The following DAZAP2 variants were observed in gnomAD, a reference collection of about 807,000 sequenced individuals.
The protein encoded by DAZAP2 is DAZ-associated protein 2.
Under a neutral mutation model 16.2 loss-of-function variants are expected in DAZAP2, and 3 were observed. The ratio of observed to expected loss-of-function variants is 0.19; its 90% CI spans 0.08 to 0.48. The LOEUF is 0.48. DAZAP2 is among the 20% of genes least tolerant of loss of function. The pLI is 0.98. For missense variants in DAZAP2, 172 were observed against 215.9 expected, an observed-to-expected ratio of 0.80 and a Z score of 1.27; for synonymous variants, 69 against 77.6, an observed-to-expected ratio of 0.89 and a Z score of 0.58.
downstream of DAZAP2, chr12:51,246,250 T>G (rs547467009): frequency 1.5e-6 from 2 of 1,347,142 alleles, no homozygotes. Flanking sequence ...TCCACTTCCA[T>G]CCAAACCCAT....
downstream of DAZAP2, among the ~76,000 whole-genome samples, chr12:51,244,182 C>T (rs1041720320): frequency 1.3e-5 from 2 of 152,156 alleles, no homozygotes; most frequent in Non-Finnish European, 2.9e-5. Flanking sequence ...TCTAGGTTGC[C>T]AAGATAGATT....
Position 51,238,898 on chromosome 12 carries a change from C to T in DAZAP2, c.-10C>T, listed in dbSNP as rs1944602185. The T allele has an allele frequency of 1.9e-6, 3 of 1,613,350 alleles. No homozygotes were observed. Among genetic ancestry groups the T allele is most frequent in the African/African-American group, 2.7e-5 (2 of 74,898 alleles). ...CCGCGACGCCGAGACAAACCGGACC[C>T]GCAACCACCATGAACAGCAAAGGCA... On this transcript the variant is annotated 5_prime_UTR_variant, in exon 1 of 4. Transcript: ENST00000412716.
At chr12:51,240,782 A>T in intron 2 of DAZAP2, 89 bp from the exon 3 acceptor site, 1 of 1,521,514 alleles carries the variant, frequency 6.6e-7, no homozygotes, top group East Asian at 2.3e-5. Context: ...TATAACCTGC[A>T]TAAGGAGAAT....
intron 2 of DAZAP2, 125 bp downstream of exon 2, chr12:51,240,586 T>A (rs1367132778): frequency 1.9e-5 from 20 of 1,032,712 alleles, no homozygotes; most frequent in Middle Eastern, 2.1e-4. Flanking sequence ...TCTAAAACAC[T>A]ATATAATTTG....
In DAZAP2 at chr12:51,242,909, T is replaced by C; in HGVS notation, c.*451T>C. On this transcript the variant is annotated 3_prime_UTR_variant, in exon 4 of 4. Transcript: ENST00000412716. ...TTATAAATGGAACGCATTAGTTGTCTGCCTTTTCCTTTCCATCCCTTGCCC... is the reference window on the plus strand; with the variant it reads ...TTATAAATGGAACGCATTAGTTGTCCGCCTTTTCCTTTCCATCCCTTGCCC... 1 of 1,175,760 alleles carries C rather than the reference T, an allele frequency of 8.5e-7. No individual in the cohort carries two copies. Among genetic ancestry groups the C allele is most frequent in the Non-Finnish European group, 1.1e-6 (1 of 950,614 alleles). 72.8% of individuals were successfully genotyped at this position (1,175,760 alleles called of 1,614,324 possible).
At chr12:51,246,503 G>C (rs767290241), downstream of DAZAP2, 15 of 441,714 alleles carry the variant, frequency 3.4e-5, no homozygotes, top group Non-Finnish European at 5.2e-5. Context: ...CCCTACCCAC[G>C]TACTCAAGTG....
chr12:51,245,973 TG>T, downstream of DAZAP2: 1 of 1,613,934 alleles, frequency 6.2e-7, no homozygotes, highest in South Asian at 1.1e-5. Context: ...TCGCTGCCCT[TG>T]GCCAAGTCAC....
At chr12:51,246,486 T>G, downstream of DAZAP2, 1 of 442,084 alleles carries the variant, frequency 2.3e-6, no homozygotes, top group Non-Finnish European at 4.0e-6. Context: ...ACCACATATA[T>G]CCTCGTCCCT....
At chr12:51,239,328 C>T in intron 1 of DAZAP2, 1 of 210,112 alleles carries the variant, frequency 4.8e-6, no homozygotes, top group South Asian at 6.6e-5. Context: ...TGGGCCGGGG[C>T]CTGTGAGGTC....
intron 2 of DAZAP2, 46 bp downstream of exon 2, chr12:51,240,507 G>T (rs770711747): frequency 6.7e-7 from 1 of 1,492,630 alleles, no homozygotes; most frequent in East Asian, 2.3e-5. Flanking sequence ...ATACTCTTAG[G>T]GTGGTCCTTT....
downstream of DAZAP2, chr12:51,245,084 C>G (rs1944749161): frequency 6.6e-6 from 1 of 152,036 alleles, no homozygotes; most frequent in African/African-American, 2.4e-5. Context: ...GCCTCGGCCT[C>G]CCAAAGTGCT....
downstream of DAZAP2, chr12:51,246,467 A>G (rs1351045269): frequency 4.7e-6 from 2 of 428,822 alleles, no homozygotes; most frequent in African/African-American, 4.0e-5. Context: ...TTCCTCACCC[A>G]CTCAACCAAC....
At position 51,243,293 on chromosome 12, in the gene DAZAP2, G is replaced by T. The variant is rs187326882; in HGVS notation, c.*835G>T. ...CAAACTGTACTGTGAACAACAGTTG[G>T]TTTAAAATATGAGGGGCAAGGAGGA... On this transcript the variant is annotated 3_prime_UTR_variant, in exon 4 of 4. Transcript: ENST00000412716. 14 of 985,742 alleles carry T rather than the reference G, an allele frequency of 1.4e-5. No individual in the cohort carries two copies. The African/African-American group carries it at 2.3e-4, about 16-fold the overall frequency. The allele number at this position is 985,742 out of a possible 1,614,324, so 61.1% of individuals were successfully genotyped here. A position where few individuals can be genotyped will look rare whatever the true frequency, so the allele number is the denominator to read the frequency against.
downstream of DAZAP2, chr12:51,244,076 T>G: frequency 3.5e-6 from 1 of 283,702 alleles, no homozygotes; most frequent in Non-Finnish European, 5.3e-6. Flanking sequence ...AAGTTTGGCT[T>G]GAAGAAAAGG....
chr12:51,244,297 A>C (rs917151444), downstream of DAZAP2, among the ~76,000 whole-genome samples: 1 of 152,162 alleles, frequency 6.6e-6, no homozygotes, highest in Non-Finnish European at 1.5e-5. Context: ...CCCGGGTTCA[A>C]GTGATTCTCC....
chr12:51,241,141 ACT>A, intron 3 of DAZAP2, 25 bp downstream of exon 3: 1 of 1,608,442 alleles, frequency 6.2e-7, no homozygotes, highest in African/African-American at 1.3e-5. Flanking sequence ...ATCAGAAGAA[ACT>A]CAGCCCTTGT....
chr12:51,239,043 C>G, intron 1 of DAZAP2, 123 bp downstream of exon 1: 2 of 1,425,236 alleles, frequency 1.4e-6, no homozygotes, highest in Non-Finnish European at 1.9e-6. Flanking sequence ...CCTTGGCCGG[C>G]TGCAGTCCAG....
At chr12:51,240,582 A>T (rs1944657557) in intron 2 of DAZAP2, 121 bp downstream of exon 2, 1 of 1,045,080 alleles carries the variant, frequency 9.6e-7, no homozygotes, top group Admixed American at 2.4e-5. Flanking sequence ...ATAATCTAAA[A>T]CACTATATAA....
intron 1 of DAZAP2, 180 bp downstream of exon 1, chr12:51,239,100 C>T (rs1944610478): frequency 1.1e-5 from 9 of 856,848 alleles, no homozygotes; most frequent in Non-Finnish European, 1.6e-5. Flanking sequence ...CGGCAGCTTG[C>T]TGCCTCCAGG....
Sources: gnomAD v4.1 joint callset for allele counts (sites outside exome capture counted in the v4.1 genomes callset) on GRCh38, gnomAD v4.1.1 for gene constraint, MANE v1.5 for transcripts, NCBI Gene and HGNC (gene_info 2026-07-23, HGNC 2026-07-21) for gene names.